The following ERN1 variants were observed in gnomAD, a reference collection of about 807,000 sequenced individuals.
ERN1 encodes the protein endoplasmic reticulum to nucleus signaling 1.
In ERN1, 39 loss-of-function variants were observed where a neutral mutation model predicts 113.1. The observed-to-expected ratio is 0.34, with a 90% CI of 0.27 to 0.45. The LOEUF is 0.45. ERN1 is among the 20% of genes least tolerant of loss of function. The pLI, the probability that ERN1 is intolerant of heterozygous loss-of-function variation, is 1.00. For synonymous variants in ERN1, 507 were observed against 515.9 expected (o/e 0.98, Z 0.23); for missense variants, 976 against 1,274.8 (o/e 0.77, Z 3.57).
chr17:64,055,433 C>T (rs185206475), intron 13 of ERN1, among the ~76,000 whole-genome samples: 85 of 152,314 alleles, frequency 5.6e-4, no homozygotes, highest in Non-Finnish European at 9.4e-4. Context: ...TCAGCCGCGA[C>T]GCCCAGCCCT....
At chr17:64,075,046 C>G (rs1598061483) in intron 5 of ERN1, 129 bp downstream of exon 5, 1 of 785,718 alleles carries the variant, frequency 1.3e-6, no homozygotes, top group Non-Finnish European at 2.1e-6. Flanking sequence ...AGAACAGCAC[C>G]TGAAGCACAA....
At chr17:64,087,405 G>A (rs1913966557) in intron 2 of ERN1, among the ~76,000 whole-genome samples, 1 of 152,176 alleles carries the variant, frequency 6.6e-6, no homozygotes, top group Non-Finnish European at 1.5e-5. Flanking sequence ...CTCAGCCCAA[G>A]GCCATACCCC....
chr17:64,099,304 G>C (rs896948465), intron 1 of ERN1, among the ~76,000 whole-genome samples: 1 of 149,952 alleles, frequency 6.7e-6, no homozygotes, highest in African/African-American at 2.5e-5. Context: ...CCTGTCTTCT[G>C]GCTTTGCTAG....
chr17:64,089,907 C>A (rs753312243), intron 2 of ERN1, among the ~76,000 whole-genome samples: 5 of 152,108 alleles, frequency 3.3e-5, no homozygotes, highest in Non-Finnish European at 7.4e-5. Context: ...GGTTCTAATA[C>A]TGTTTTCTTA....
rs180757965 is a variant in ERN1 at position 64,075,989 on chromosome 17, T to G, written c.283-742A>C. ...AGTTTGAGGTGGAAAAGAGTTTTGA[T>G]GTTTTCTTCAGTAAATAATTCACTA... On this transcript the variant is annotated intron_variant, in intron 4 of 21. Transcript: ENST00000433197. Among the ~76,000 whole-genome samples, 71 of 152,350 alleles carry G rather than the reference T, an allele frequency of 4.7e-4. 2 individuals are homozygous for G. The East Asian group carries it at 0.01, about 21-fold the overall frequency.
In ERN1 at chr17:64,044,018, G is replaced by A. The variant is rs1472927912; in HGVS notation, c.2904C>T (p.Pro968=). ...GGGCGTCTGGAGTCACTGGGGGCTGGGGCTCTGGGGGCTCGTGGAAGTAGT... is the reference window on the plus strand; with the variant it reads ...GGGCGTCTGGAGTCACTGGGGGCTGAGGCTCTGGGGGCTCGTGGAAGTAGT... The part of the protein sequence containing the change: ...QPYYFHEPPE[P]QPPVTPDAL Residue 968 remains proline (P), a synonymous_variant, in exon 22 of 22, where the codon CCC becomes CCT. Transcript: ENST00000433197. The surrounding 1 kb of genome is among the most constrained non-coding windows in gnomAD (Gnocchi z 4.1). The A allele has an allele frequency of 1.2e-6, 2 of 1,612,756 alleles. No individual in the cohort carries two copies. Among genetic ancestry groups the A allele is most frequent in the Non-Finnish European group, 1.7e-6 (2 of 1,179,384 alleles).
rs1598041734 is a variant in ERN1, at chr17:64,044,882, A to G, written c.2699T>C (p.Leu900Pro). 1 of 1,589,598 alleles carries G rather than the reference A, an allele frequency of 6.3e-7. No individual in the cohort carries two copies. Among genetic ancestry groups the G allele is most frequent in the South Asian group, 1.1e-5 (1 of 87,036 alleles). The change falls in exon 21 of 22, where the codon CTC becomes CCC. Residue 900 changes from leucine (L) to proline (P), a missense_variant. Coordinates refer to ENST00000433197, the MANE Select transcript of ERN1 (RefSeq NM_001433.5). The surrounding 1 kb of genome is among the most constrained non-coding windows in gnomAD (Gnocchi z 4.1). Reference sequence around the variant, plus strand: ...TACCTTATTTCTCATGGCTCGGAGGAGATCTCTGACAGAACCACCTTTATA... The same window carrying G: ...TACCTTATTTCTCATGGCTCGGAGGGGATCTCTGACAGAACCACCTTTATA... The part of the protein sequence containing the change: ...RTYKGGSVRD[L>P]LRAMRNKKHH...
At chr17:64,103,033 A>G in intron 1 of ERN1, 1 of 823,480 alleles carries the variant, frequency 1.2e-6, no homozygotes, top group Non-Finnish European at 1.5e-6. Context: ...CCATTAGCTA[A>G]TTGGTCCCCA....
chr17:64,128,341 A>G (rs1162940045), intron 1 of ERN1, among the ~76,000 whole-genome samples: 2 of 152,048 alleles, frequency 1.3e-5, no homozygotes, highest in Admixed American at 1.3e-4. Flanking sequence ...GTTACGCTAA[A>G]CTATAACCTT....
At chr17:64,117,625 C>T (rs559021928) in intron 1 of ERN1, among the ~76,000 whole-genome samples, 3 of 152,146 alleles carry the variant, frequency 2.0e-5, no homozygotes, top group African/African-American at 4.8e-5. Context: ...CTGTACATTA[C>T]CCCAACACTA....
intron 1 of ERN1, among the ~76,000 whole-genome samples, chr17:64,116,793 TATC>T (rs913824796): frequency 6.6e-6 from 1 of 152,128 alleles, no homozygotes; most frequent in African/African-American, 2.4e-5. Context: ...TTTAATGTCT[TATC>T]ATGTTATCCT....
rs528550741 is a variant in ERN1 at position 64,095,297 on chromosome 17, C to T, written c.175+2824G>A. Among the ~76,000 whole-genome samples the T allele has an allele frequency of 3.3e-5, 5 of 152,166 alleles. No individual in the cohort carries two copies. The East Asian group carries it at 5.8e-4, about 18-fold the overall frequency. On this transcript the variant is annotated intron_variant, in intron 2 of 21. Coordinates refer to ENST00000433197, the MANE Select transcript of ERN1 (RefSeq NM_001433.5). The stretch of plus-strand genomic sequence containing the variant: ...TACAAAAATTAGCCAGGCATAGTGG[C>T]GCATGCCTGTAATCCAAGCTACTCA...
In ERN1 at chr17:64,066,825, A is replaced by G; in HGVS notation, c.688T>C (p.Tyr230His). The change falls in exon 8 of 22, where the codon TAT (tyrosine) becomes CAT (histidine). Residue 230 changes from tyrosine (Y) to histidine (H), a missense_variant. Physicochemically the swap from Tyr to His is moderately conservative, Grantham distance 83. This residue lies in a region of ERN1 where 459 missense variants were observed against 581.2 expected (regional missense o/e 0.79). Coordinates refer to ENST00000433197, the MANE Select transcript of ERN1 (RefSeq NM_001433.5). ...QNYASPVVAF[Y>H]VWQREGLRKV... The stretch of plus-strand genomic sequence containing the variant: ...CTCAGACCCTCCCGCTGCCAGACAT[A>G]AAAGGCCACCACAGGGGAGGCGTAG... 6.2e-7 allele frequency: 1 copy of G among 1,613,870 alleles called. No homozygotes were observed. Among genetic ancestry groups the G allele is most frequent in the South Asian group, 1.1e-5 (1 of 91,036 alleles).
chr17:64,054,751 T>C lies in ERN1; in HGVS notation c.1750A>G (p.Thr584Ala), dbSNP rs943385174. ...TAATCCACTCACCGGTACACAATTG[T>C]GCCCTCAGCTCCATGGCCCAGGACA... ...KDVLGHGAEG[T>A]IVYRGMFDNR... Residue 584 changes from threonine to alanine, a missense_variant, in exon 14 of 22, where the codon ACA (threonine) becomes GCA (alanine). Thr to Ala is a moderately conservative substitution (Grantham distance 58). Coordinates refer to ENST00000433197, the MANE Select transcript of ERN1 (RefSeq NM_001433.5). The surrounding 1 kb of genome is among the most constrained non-coding windows in gnomAD (Gnocchi z 4.9). 11 of 1,607,266 alleles carry C rather than the reference T, an allele frequency of 6.8e-6. No homozygotes were observed. The highest frequency in any genetic ancestry group is 8.5e-6 in the Non-Finnish European group (10 of 1,177,314).
intron 3 of ERN1, 173 bp downstream of exon 3, chr17:64,080,602 C>T: frequency 1.8e-6 from 1 of 568,894 alleles, no homozygotes; most frequent in Non-Finnish European, 3.0e-6. Context: ...GGAAACTGAC[C>T]ACCTCCTCCT....
At chr17:64,108,093 T>A (rs776770196) in intron 1 of ERN1, among the ~76,000 whole-genome samples, 1 of 152,080 alleles carries the variant, frequency 6.6e-6, no homozygotes, top group Admixed American at 6.6e-5. Context: ...GCTGAGAGAG[T>A]TAAACTTTCA....
At chr17:64,055,156 T>A (rs563748030) in intron 13 of ERN1, among the ~76,000 whole-genome samples, 184 of 152,372 alleles carry the variant, frequency 1.2e-3, no homozygotes, top group Non-Finnish European at 2.2e-3. Flanking sequence ...GGTTTAATAG[T>A]TAACAACCAC....
intron 6 of ERN1, among the ~76,000 whole-genome samples, chr17:64,069,289 A>G (rs895041197): frequency 3.9e-5 from 6 of 152,232 alleles, no homozygotes; most frequent in Admixed American, 2.6e-4. Context: ...CTAATGGAAT[A>G]AATTATAATT....
intron 1 of ERN1, among the ~76,000 whole-genome samples, chr17:64,115,466 A>G (rs992175755): frequency 6.6e-6 from 1 of 152,198 alleles, no homozygotes; most frequent in African/African-American, 2.4e-5. Context: ...GTAATGCAGA[A>G]AAAAAGACGG....
Sources: allele counts gnomAD v4.1 joint callset (sites outside exome capture counted in the v4.1 genomes callset), GRCh38; gene constraint gnomAD v4.1.1; regional missense constraint gnomAD v4.1.1; non-coding constraint Gnocchi (gnomAD v3.1); transcripts MANE v1.5; gene names NCBI Gene and HGNC (gene_info 2026-07-23, HGNC 2026-07-21).